The following ADGRA3 variants were observed in gnomAD, a reference collection of about 807,000 sequenced individuals.
ADGRA3 encodes the protein G-protein coupled receptor 125.
Under a neutral mutation model 119.8 loss-of-function variants are expected in ADGRA3, and 56 were observed. The observed-to-expected ratio is 0.47, with a 90% CI of 0.38 to 0.58. The LOEUF is 0.58. Among genes scored for constraint, ADGRA3 ranks in the 20% least tolerant of loss-of-function variants. The pLI is 0.00. For missense variants in ADGRA3, 1,516 were observed against 1,649.0 expected, an observed-to-expected ratio of 0.92 and a Z score of 1.40; for synonymous variants, 607 against 623.8, an observed-to-expected ratio of 0.97 and a Z score of 0.40.
At chr4:22,479,157 G>A (rs1718159274) in intron 1 of ADGRA3, among the ~76,000 whole-genome samples, 1 of 152,136 alleles carries the variant, frequency 6.6e-6, no homozygotes. Flanking sequence ...ACACCAGTTA[G>A]AATGGTGATC....
chr4:22,413,579 A>C, intron 13 of ADGRA3, 22 bp downstream of exon 13: 1 of 1,599,822 alleles, frequency 6.3e-7, no homozygotes, highest in Non-Finnish European at 8.6e-7. Context: ...TGACTACAGG[A>C]TAACATATGC....
intron 3 of ADGRA3, among the ~76,000 whole-genome samples, chr4:22,455,468 G>A (rs903127756): frequency 4.6e-5 from 7 of 151,726 alleles, no homozygotes; most frequent in African/African-American, 1.7e-4. Flanking sequence ...AAAAAAAACT[G>A]TGTTAGCTTT....
At chr4:22,466,495 G>A (rs1270659126) in intron 2 of ADGRA3, among the ~76,000 whole-genome samples, 1 of 152,204 alleles carries the variant, frequency 6.6e-6, no homozygotes, top group East Asian at 1.9e-4. Flanking sequence ...GGGAGGCCGA[G>A]GCAGGTGGAT....
In ADGRA3 at chr4:22,402,806, G is replaced by T. The variant is rs773636553; in HGVS notation, c.2233-7C>A. 1 of 1,603,638 alleles carries T rather than the reference G, an allele frequency of 6.2e-7. No homozygotes were observed. Among genetic ancestry groups the T allele is most frequent in the South Asian group, 1.1e-5 (1 of 88,554 alleles). On this transcript the variant is annotated splice_region_variant and splice_polypyrimidine_tract_variant and intron_variant, in intron 14 of 18. Coordinates refer to ENST00000334304, the MANE Select transcript of ADGRA3 (RefSeq NM_145290.4). ...GTTCAGATCCCGTCAAATCCTGAGGGCAAAAAGAAAGATCCATTCTAGCAG... is the reference window on the plus strand; with the variant it reads ...GTTCAGATCCCGTCAAATCCTGAGGTCAAAAAGAAAGATCCATTCTAGCAG...
intron 1 of ADGRA3, among the ~76,000 whole-genome samples, chr4:22,494,208 A>C (rs1718730659): frequency 6.8e-6 from 1 of 146,096 alleles, no homozygotes. Flanking sequence ...CTGTCTCAGA[A>C]AAAAAAAAAA....
chr4:22,414,735 C>T, intron 12 of ADGRA3: 1 of 584,962 alleles, frequency 1.7e-6, no homozygotes, highest in Non-Finnish European at 3.0e-6. Context: ...GATGTATCCC[C>T]TGAATGCTCC....
chr4:22,404,526 C>T (rs1356977818), intron 14 of ADGRA3, among the ~76,000 whole-genome samples: 2 of 152,190 alleles, frequency 1.3e-5, no homozygotes, highest in East Asian at 3.8e-4. Context: ...CTATGATGAG[C>T]CTCTAACTTA....
intron 14 of ADGRA3, among the ~76,000 whole-genome samples, chr4:22,412,225 C>T (rs1237016504): frequency 6.6e-6 from 1 of 152,074 alleles, no homozygotes; most frequent in Admixed American, 6.6e-5. Context: ...GTCAGTAATT[C>T]CTTCCACCGT....
chr4:22,499,442 C>A (rs1423557014), intron 1 of ADGRA3, among the ~76,000 whole-genome samples: 1 of 152,190 alleles, frequency 6.6e-6, no homozygotes, highest in Non-Finnish European at 1.5e-5. Context: ...CTTCCATTCA[C>A]AGTCTCATGC....
intron 12 of ADGRA3, among the ~76,000 whole-genome samples, chr4:22,418,965 T>C (rs1363539257): frequency 2.0e-5 from 3 of 152,106 alleles, no homozygotes; most frequent in Non-Finnish European, 4.4e-5. Context: ...GGCATCGTTG[T>C]AGTGATACAT....
In ADGRA3 at chr4:22,447,519, A is replaced by G; in HGVS notation, c.474-8T>C. 1 of 1,499,792 alleles carries G rather than the reference A, an allele frequency of 6.7e-7. No individual in the cohort carries two copies. Among genetic ancestry groups the G allele is most frequent in the Non-Finnish European group, 9.0e-7 (1 of 1,106,102 alleles). The allele number at this position is 1,499,792 out of a possible 1,614,324, so 92.9% of individuals were successfully genotyped here. On this transcript the variant is annotated splice_region_variant and splice_polypyrimidine_tract_variant and intron_variant, in intron 4 of 18. Transcript: ENST00000334304. ...AAATTCCCCGAAAGGTTTCTGAAAG[A>G]CAGAAAACAATTTCACTTTTAAAAA...
chr4:22,427,652 G>C (rs554683800), intron 10 of ADGRA3, among the ~76,000 whole-genome samples: 29 of 152,188 alleles, frequency 1.9e-4, no homozygotes, highest in Non-Finnish European at 3.2e-4. Flanking sequence ...CTTGGTTACA[G>C]AAGTAGCTCT....
chr4:22,439,414 T>C (rs1716521884), intron 7 of ADGRA3, among the ~76,000 whole-genome samples: 1 of 152,208 alleles, frequency 6.6e-6, no homozygotes, highest in Non-Finnish European at 1.5e-5. Flanking sequence ...AATTAACCTT[T>C]ATTTCCCCCA....
chr4:22,441,080 G>C (rs955611411), intron 7 of ADGRA3, among the ~76,000 whole-genome samples: 2 of 152,106 alleles, frequency 1.3e-5, no homozygotes, highest in Non-Finnish European at 2.9e-5. Flanking sequence ...AAGGGTTTTT[G>C]GCACTGGGAA....
Position 22,424,260 on chromosome 4 carries a change from A to C in ADGRA3, c.1536T>G (p.Ser512Arg), listed in dbSNP as rs927971816. 1.9e-6 allele frequency: 3 copies of C among 1,613,668 alleles called. No individual in the cohort carries two copies. In the South Asian group the frequency reaches 3.3e-5, roughly 18 times the overall value. ...WLAQREAKAC[S>R]RIVQCLQRIA... ...TGCGCTGAAGACACTGCACAATCCT[A>C]CTGCAGGCTTTAGCTTCCCTCTGCG... The change falls in exon 11 of 19, where the codon AGT becomes AGG. Residue 512 changes from serine (S) to arginine (R), a missense_variant. Ser to Arg is a moderately radical substitution (Grantham distance 110). Transcript: ENST00000334304.
intron 10 of ADGRA3, among the ~76,000 whole-genome samples, chr4:22,427,738 AT>A (rs1716000433): frequency 6.6e-6 from 1 of 152,214 alleles, no homozygotes; most frequent in Admixed American, 6.5e-5. Context: ...TAAAAAAAGT[AT>A]TCCTGAAATT....
chr4:22,500,934 G>A (rs1279899452), intron 1 of ADGRA3, among the ~76,000 whole-genome samples: 8 of 152,110 alleles, frequency 5.3e-5, no homozygotes, highest in East Asian at 1.9e-4. Context: ...GGGCAAATTC[G>A]CTCTGTGCTA....
intron 1 of ADGRA3, among the ~76,000 whole-genome samples, chr4:22,496,711 G>T (rs1312020493): frequency 2.0e-5 from 3 of 152,186 alleles, no homozygotes; most frequent in Non-Finnish European, 4.4e-5. Flanking sequence ...GTTAAAGTAG[G>T]TATTGGAAAC....
chr4:22,502,686 G>C (rs918851962), intron 1 of ADGRA3, among the ~76,000 whole-genome samples: 1 of 151,792 alleles, frequency 6.6e-6, no homozygotes, highest in Non-Finnish European at 1.5e-5. Flanking sequence ...GAAAAGCAAT[G>C]GCTCCTCAAG....
Sources: gnomAD v4.1 joint callset for allele counts (sites outside exome capture counted in the v4.1 genomes callset) on GRCh38, gnomAD v4.1.1 for gene constraint, MANE v1.5 for transcripts, NCBI Gene and HGNC (gene_info 2026-07-23, HGNC 2026-07-21) for gene names.